The following TRAPPC12 variants were observed in gnomAD, a reference collection of about 807,000 sequenced individuals.
TRAPPC12 encodes the protein TPR repeat protein 15.
In TRAPPC12, 61 loss-of-function variants were observed where a neutral mutation model predicts 69.2. That is an observed-to-expected ratio of 0.88 (90% CI 0.72 to 1.09). TRAPPC12 has a LOEUF of 1.09. Ranked by LOEUF, TRAPPC12 falls within the 50% of genes least tolerant of loss-of-function variation. The probability of loss-of-function intolerance (pLI) is 0.00; values close to 1 mark genes in which losing one functional copy is unlikely to be tolerated. For synonymous variants in TRAPPC12, 469 were observed against 438.9 expected, an observed-to-expected ratio of 1.07 and a Z score of -0.86; for missense variants, 1,101 against 1,016.4, an observed-to-expected ratio of 1.08 and a Z score of -1.13.
At chr2:3,393,986 C>G (rs969121520) in intron 2 of TRAPPC12, among the ~76,000 whole-genome samples, 8 of 152,180 alleles carry the variant, frequency 5.3e-5, no homozygotes, top group African/African-American at 1.9e-4. Flanking sequence ...GCTGCATTAA[C>G]AAAGAAAGCC....
chr2:3,385,966 G>A (rs1265223121), intron 1 of TRAPPC12, among the ~76,000 whole-genome samples: 3 of 152,084 alleles, frequency 2.0e-5, no homozygotes, highest in African/African-American at 7.2e-5. Context: ...GTGAAACATG[G>A]CAGGAAAAAA....
chr2:3,444,334 T>C (rs1664394683), intron 6 of TRAPPC12, among the ~76,000 whole-genome samples: 1 of 152,252 alleles, frequency 6.6e-6, no homozygotes, highest in Non-Finnish European at 1.5e-5. Context: ...TTATGGCAAC[T>C]GTCACTCATG....
At chr2:3,384,846 T>G (rs561868443) in intron 1 of TRAPPC12, among the ~76,000 whole-genome samples, 6 of 152,236 alleles carry the variant, frequency 3.9e-5, no homozygotes, top group Non-Finnish European at 1.5e-5. Flanking sequence ...TACGGAATCT[T>G]TGGTAGAATT....
rs570409301 is a variant in TRAPPC12 at position 3,394,715 on chromosome 2, G to A, written c.1047+6045G>A. Among the ~76,000 whole-genome samples, 6 of 152,222 alleles carry A rather than the reference G, an allele frequency of 3.9e-5. No individual in the cohort carries two copies. The South Asian group carries it at 1.2e-3, about 32-fold the overall frequency. ...TTCCAGCACCAAAAGTCTTGAATCTGGAATCCATAATTACTGCCAGCCTTG... is the reference window on the plus strand; with the variant it reads ...TTCCAGCACCAAAAGTCTTGAATCTAGAATCCATAATTACTGCCAGCCTTG... On this transcript the variant is annotated intron_variant, in intron 2 of 11. Coordinates refer to ENST00000324266, the MANE Select transcript of TRAPPC12 (RefSeq NM_016030.6).
intron 2 of TRAPPC12, chr2:3,389,601 A>G: frequency 4.3e-6 from 2 of 460,012 alleles, no homozygotes; most frequent in African/African-American, 2.0e-5. Flanking sequence ...ACTAACGGGC[A>G]TCTTAACGGC....
chr2:3,410,837 C>T (rs1351988124), intron 3 of TRAPPC12, among the ~76,000 whole-genome samples: 1 of 152,112 alleles, frequency 6.6e-6, no homozygotes, highest in African/African-American at 2.4e-5. Context: ...CAAGACCATC[C>T]AGGCCAACAT....
At chr2:3,384,087 T>C (rs1660381007) in intron 1 of TRAPPC12, among the ~76,000 whole-genome samples, 3 of 151,628 alleles carry the variant, frequency 2.0e-5, no homozygotes, top group Admixed American at 2.0e-4. Context: ...GTAGAGACAG[T>C]GTTTCACCAT....
chr2:3,383,452 G>A (rs761927712), intron 1 of TRAPPC12, among the ~76,000 whole-genome samples: 5 of 146,530 alleles, frequency 3.4e-5, no homozygotes, highest in Admixed American at 2.1e-4. Context: ...AGGCTGGAAT[G>A]TCGTGCCTCA....
At chr2:3,479,197 C>T (rs2103183072) in intron 11 of TRAPPC12, 22 bp from the exon 12 acceptor site, 1 of 1,607,364 alleles carries the variant, frequency 6.2e-7, no homozygotes, top group Non-Finnish European at 8.5e-7. Flanking sequence ...TGGGCCAACC[C>T]TGGGCGTGTG....
intron 6 of TRAPPC12, among the ~76,000 whole-genome samples, chr2:3,444,546 CGTCACAG>C (rs756208825): frequency 6.6e-6 from 1 of 152,352 alleles, no homozygotes; most frequent in Non-Finnish European, 1.5e-5. Context: ...TTTCTACCCA[CGTCACAG>C]TGTTCCTGTA....
intron 3 of TRAPPC12, among the ~76,000 whole-genome samples, chr2:3,404,260 C>A (rs1298988197): frequency 3.9e-5 from 6 of 152,138 alleles, no homozygotes; most frequent in Non-Finnish European, 8.8e-5. Flanking sequence ...TAGTCCCTCT[C>A]TTCTGATTTT....
At chr2:3,392,436 C>T (rs920087021) in intron 2 of TRAPPC12, among the ~76,000 whole-genome samples, 3 of 152,262 alleles carry the variant, frequency 2.0e-5, no homozygotes, top group South Asian at 2.1e-4. Flanking sequence ...GTCCCATGGG[C>T]GTGTTTACCC....
chr2:3,393,413 G>A (rs1660939813), intron 2 of TRAPPC12, among the ~76,000 whole-genome samples: 1 of 152,128 alleles, frequency 6.6e-6, no homozygotes, highest in Non-Finnish European at 1.5e-5. Flanking sequence ...GGGATGGAAT[G>A]TACATTTAAC....
intron 5 of TRAPPC12, among the ~76,000 whole-genome samples, chr2:3,438,819 T>C (rs1288283059): frequency 2.6e-5 from 4 of 152,138 alleles, no homozygotes; most frequent in Non-Finnish European, 5.9e-5. Context: ...ATAGCTTATT[T>C]ATCCATTTCT....
chr2:3,461,383 C>T (rs753827874), intron 8 of TRAPPC12, among the ~76,000 whole-genome samples: 5 of 150,878 alleles, frequency 3.3e-5, no homozygotes, highest in Admixed American at 6.5e-5. Flanking sequence ...AGTGCGGGGC[C>T]GCTGCCTTTG....
At position 3,479,500 on chromosome 2, in the gene TRAPPC12, T is replaced by C. The variant is rs778634217; in HGVS notation, c.*39T>C. 6 of 1,604,418 alleles carry C rather than the reference T, an allele frequency of 3.7e-6. No individual in the cohort carries two copies. In the Admixed American group the frequency reaches 1.0e-4, roughly 27 times the overall value. On this transcript the variant is annotated 3_prime_UTR_variant, in exon 12 of 12. Transcript: ENST00000324266. ...ACTACGTCAGAAGGACCCGGGTCTT[T>C]GAAACTGTGTCTTGAAGCTAATGTA...
chr2:3,461,608 G>A (rs1409292599), intron 8 of TRAPPC12, among the ~76,000 whole-genome samples: 17 of 152,188 alleles, frequency 1.1e-4, no homozygotes, highest in Non-Finnish European at 1.5e-5. Context: ...AGGAAATTAC[G>A]GTTTTCAAGT....
intron 6 of TRAPPC12, among the ~76,000 whole-genome samples, chr2:3,445,375 ACT>A (rs896432330): frequency 2.0e-5 from 3 of 151,988 alleles, no homozygotes; most frequent in South Asian, 2.1e-4. Context: ...ACAGAGCAAG[ACT>A]CTGTCTCAAA....
At chr2:3,436,000 A>C (rs915128332) in intron 5 of TRAPPC12, among the ~76,000 whole-genome samples, 1 of 152,216 alleles carries the variant, frequency 6.6e-6, no homozygotes, top group East Asian at 1.9e-4. Flanking sequence ...ATTTCACATC[A>C]GTAAGGTACT....
Sources: allele counts gnomAD v4.1 joint callset (sites outside exome capture counted in the v4.1 genomes callset), GRCh38; gene constraint gnomAD v4.1.1; transcripts MANE v1.5; gene names NCBI Gene and HGNC (gene_info 2026-07-23, HGNC 2026-07-21).